The following PTPRD variants were observed in gnomAD, a reference collection of about 807,000 sequenced individuals.
PTPRD encodes protein tyrosine phosphatase receptor type D, also known as receptor-type tyrosine-protein phosphatase delta.
In PTPRD, 34 loss-of-function variants were observed where a neutral mutation model predicts 214.5. The observed-to-expected ratio is 0.16, with a 90% confidence interval of 0.12 to 0.21. PTPRD has a LOEUF of 0.21. Ranked by LOEUF, PTPRD falls within the 10% of genes least tolerant of loss-of-function variation. The probability of loss-of-function intolerance (pLI) is 1.00; values close to 1 mark genes in which losing one functional copy is unlikely to be tolerated. For missense variants in PTPRD, 2,545 were observed against 2,398.7 expected (o/e 1.06, Z -1.27); for synonymous variants, 1,128 against 845.7 (o/e 1.33, Z -5.79).
chr9:9,338,321 CAT>C (rs1222259375), intron 9 of PTPRD, among the ~76,000 whole-genome samples: 1 of 152,148 alleles, frequency 6.6e-6, no homozygotes, highest in East Asian at 1.9e-4. Context: ...ACCTCTGGCA[CAT>C]GTCTAATTCA....
Position 8,410,342 on chromosome 9 carries a change from T to G in PTPRD, c.4087-5682A>C, listed in dbSNP as rs183356444. ...ATCTGGAAGTCAGAGAACAGGGTGT[T>G]AGCTTTCTGGCTGCCCCTGGTTAGC... On this transcript the variant is annotated intron_variant, in intron 35 of 45. Transcript: ENST00000381196. 3.5e-3 allele frequency among the ~76,000 whole-genome samples: 530 copies of G among 152,290 alleles called. 4 individuals carry two copies. Among genetic ancestry groups the G allele is most frequent in the Middle Eastern group, 0.014 (4 of 294 alleles).
intron 14 of PTPRD, among the ~76,000 whole-genome samples, chr9:8,585,551 T>C (rs932923133): frequency 6.6e-6 from 1 of 152,208 alleles, no homozygotes; most frequent in Non-Finnish European, 1.5e-5. Context: ...GTCACATTAA[T>C]GGCCATGAAC....
chr9:9,332,453 G>T (rs1452007367), intron 9 of PTPRD, among the ~76,000 whole-genome samples: 1 of 151,282 alleles, frequency 6.6e-6, no homozygotes, highest in African/African-American at 2.4e-5. Flanking sequence ...TTTAAATTAG[G>T]ATGCAAAACA....
In PTPRD at chr9:8,964,745, T is replaced by G. The variant is rs980176621; in HGVS notation, c.-104+53952A>C. ...TTTGCTGCATCCCAGAGATTTTGTTTTGTTGTGTCTCTGTTTTCACTTACT... is the reference window on the plus strand; with the variant it reads ...TTTGCTGCATCCCAGAGATTTTGTTGTGTTGTGTCTCTGTTTTCACTTACT... On this transcript the variant is annotated intron_variant, in intron 11 of 45. Coordinates refer to ENST00000381196, the MANE Select transcript of PTPRD (RefSeq NM_002839.4). Among the ~76,000 whole-genome samples, 7 of 152,256 alleles carry G rather than the reference T, an allele frequency of 4.6e-5. No homozygotes were observed. In the East Asian group the frequency reaches 1.4e-3, roughly 29 times the overall value.
intron 9 of PTPRD, among the ~76,000 whole-genome samples, chr9:9,212,770 G>A (rs1457058739): frequency 6.6e-6 from 1 of 152,154 alleles, no homozygotes; most frequent in South Asian, 2.1e-4. Context: ...TGAGAGAACA[G>A]TTGGTGTGTC....
At chr9:9,356,347 T>C (rs202138995) in intron 9 of PTPRD, among the ~76,000 whole-genome samples, 1 of 151,486 alleles carries the variant, frequency 6.6e-6, no homozygotes, top group Admixed American at 6.6e-5. Flanking sequence ...GGCTTGGCGG[T>C]TGAGGGACAT....
intron 3 of PTPRD, among the ~76,000 whole-genome samples, chr9:10,106,904 T>C (rs749469168): frequency 6.6e-6 from 1 of 151,818 alleles, no homozygotes; most frequent in Non-Finnish European, 1.5e-5. Flanking sequence ...AAGTTTGGAA[T>C]TGATGCCATA....
At chr9:10,346,881 G>C (rs915940252) in intron 2 of PTPRD, among the ~76,000 whole-genome samples, 1 of 152,136 alleles carries the variant, frequency 6.6e-6, no homozygotes, top group Non-Finnish European at 1.5e-5. Context: ...AGTAATCTTA[G>C]ATCTATCCAT....
At chr9:10,368,902 G>T (rs1309833470) in intron 2 of PTPRD, among the ~76,000 whole-genome samples, 1 of 152,078 alleles carries the variant, frequency 6.6e-6, no homozygotes, top group Non-Finnish European at 1.5e-5. Flanking sequence ...TTAAAAAGAT[G>T]AAGTAGCCAG....
intron 12 of PTPRD, 25 bp from the exon 13 acceptor site, chr9:8,636,869 G>A (rs1332048842): frequency 1.2e-6 from 2 of 1,606,098 alleles, no homozygotes; most frequent in Non-Finnish European, 1.7e-6. Context: ...AAACATCACA[G>A]TTAAATTGAA....
At chr9:8,588,405 T>C (rs898169949) in intron 14 of PTPRD, among the ~76,000 whole-genome samples, 7 of 152,186 alleles carry the variant, frequency 4.6e-5, no homozygotes, top group Admixed American at 2.6e-4. Flanking sequence ...AACCAAAATG[T>C]GTTTTGGAAG....
At position 10,602,205 on chromosome 9, in the gene PTPRD, A is replaced by G. The variant is rs554611292; in HGVS notation, c.-600+10193T>C. On this transcript the variant is annotated intron_variant, in intron 2 of 45. Coordinates refer to ENST00000381196, the MANE Select transcript of PTPRD (RefSeq NM_002839.4). ...CCTGACAAATGTATACCTGAGACAT[A>G]AGAAGTGTCGATCCAATTCGCTGTG... Among the ~76,000 whole-genome samples the G allele has an allele frequency of 2.6e-5, 4 of 151,972 alleles. No homozygotes were observed. The South Asian group carries it at 6.2e-4, about 24-fold the overall frequency.
intron 7 of PTPRD, among the ~76,000 whole-genome samples, chr9:9,703,655 A>C (rs1595626377): frequency 6.6e-6 from 1 of 152,118 alleles, no homozygotes; most frequent in Admixed American, 6.6e-5. Context: ...CTATCTGTTG[A>C]TTTGTTCTGT....
At chr9:9,808,116 T>G (rs2045997129) in intron 5 of PTPRD, among the ~76,000 whole-genome samples, 1 of 152,194 alleles carries the variant, frequency 6.6e-6, no homozygotes, top group South Asian at 2.1e-4. Flanking sequence ...AAGCCACACT[T>G]AATCAGGTTC....
chr9:9,912,118 T>G (rs2153830492), intron 5 of PTPRD, among the ~76,000 whole-genome samples: 1 of 152,288 alleles, frequency 6.6e-6, no homozygotes, highest in Non-Finnish European at 1.5e-5. Flanking sequence ...AAATAAAACC[T>G]TGATGGAAAT....
At chr9:10,487,437 T>C (rs553213997) in intron 2 of PTPRD, among the ~76,000 whole-genome samples, 1 of 152,356 alleles carries the variant, frequency 6.6e-6, no homozygotes, top group South Asian at 2.1e-4. Context: ...GATTTAGTTT[T>C]GTTCTTTTCA....
intron 21 of PTPRD, among the ~76,000 whole-genome samples, chr9:8,514,928 G>C (rs1197609109): frequency 6.6e-6 from 1 of 152,064 alleles, no homozygotes; most frequent in Non-Finnish European, 1.5e-5. Flanking sequence ...GGTTTTATAA[G>C]GGGCTCTTCC....
chr9:8,708,526 A>C (rs2154401756), intron 12 of PTPRD, among the ~76,000 whole-genome samples: 1 of 151,934 alleles, frequency 6.6e-6, no homozygotes, highest in Non-Finnish European at 1.5e-5. Context: ...AAATACAAAA[A>C]AAATTAGCTG....
At chr9:9,200,274 T>C (rs1190114120) in intron 9 of PTPRD, among the ~76,000 whole-genome samples, 2 of 152,208 alleles carry the variant, frequency 1.3e-5, no homozygotes, top group Admixed American at 6.5e-5. Flanking sequence ...TTCTGGCCTT[T>C]GGACTTTTTG....
Sources: gnomAD v4.1 joint callset for allele counts (sites outside exome capture counted in the v4.1 genomes callset) on GRCh38, gnomAD v4.1.1 for gene constraint, MANE v1.5 for transcripts, NCBI Gene and HGNC (gene_info 2026-07-23, HGNC 2026-07-21) for gene names.